ABCA13: variants seen among roughly 807,000 people sequenced by gnomAD.
ABCA13 encodes ATP-binding cassette sub-family A member 13.
ABCA13 carries 476 observed loss-of-function variants against 478.7 expected under a neutral mutation model. The observed-to-expected ratio is 0.99, with a 90% confidence interval of 0.92 to 1.07. The LOEUF is 1.07. ABCA13 is among the 50% of genes least tolerant of loss of function. The probability of loss-of-function intolerance (pLI) is 0.00; values close to 1 mark genes in which losing one functional copy is unlikely to be tolerated. For missense variants in ABCA13, 6,060 were observed against 5,910.6 expected (o/e 1.03, Z -0.83); for synonymous variants, 2,252 against 2,158.9 (o/e 1.04, Z -1.20).
chr7:48,561,373 A>G (rs1017190781), intron 55 of ABCA13, among the ~76,000 whole-genome samples: 2 of 152,104 alleles, frequency 1.3e-5, no homozygotes, highest in African/African-American at 4.8e-5. Flanking sequence ...ATAGCATGTA[A>G]GGGTTCCCTT....
At chr7:48,545,883 G>A (rs540131378) in intron 55 of ABCA13, among the ~76,000 whole-genome samples, 1 of 151,812 alleles carries the variant, frequency 6.6e-6, no homozygotes, top group South Asian at 2.1e-4. Context: ...GATAGAAAGA[G>A]GTCTAACATA....
At position 48,638,970 on chromosome 7, in the gene ABCA13, G is replaced by A. The variant is rs6973476; in HGVS notation, c.14838-4318G>A. On this transcript the variant is annotated intron_variant, in intron 59 of 61. Transcript: ENST00000435803. ...ACTCCCTCCATTCCCTTGGAGTTGT[G>A]TGACCCAAACAAGTTATGTAGCTTC... is the stretch of plus-strand genomic sequence containing the variant. 7.1e-3 allele frequency among the ~76,000 whole-genome samples: 1,077 copies of A among 152,260 alleles called. 13 individuals carry two copies. Among genetic ancestry groups the A allele is most frequent in the African/African-American group, 0.024 (996 of 41,554 alleles).
chr7:48,525,233 A>G (rs1050065080), intron 54 of ABCA13, among the ~76,000 whole-genome samples: 1 of 152,162 alleles, frequency 6.6e-6, no homozygotes, highest in Non-Finnish European at 1.5e-5. Context: ...AGATTAGAAC[A>G]AAATGTTAAG....
rs533805576 is a variant in ABCA13, at chr7:48,511,124, T to C, written c.13565T>C (p.Ile4522Thr). 40 of 1,613,818 alleles carry C rather than the reference T, an allele frequency of 2.5e-5. No individual in the cohort carries two copies. In the African/African-American group the frequency reaches 3.7e-4, roughly 15 times the overall value. ...LVSVCLCVAV[I>T]VAFQLTAFTF... ...TCCGTCTGCCTGTGTGTTGCCGTTATTGTCGCCTTCCAGTTAACAGCTTTT... is the reference window on the plus strand; with the variant it reads ...TCCGTCTGCCTGTGTGTTGCCGTTACTGTCGCCTTCCAGTTAACAGCTTTT... Residue 4522 changes from isoleucine (I) to threonine (T), a missense_variant, in exon 51 of 62, where the codon ATT becomes ACT. Ile to Thr is a moderately conservative substitution (Grantham distance 89). Transcript: ENST00000435803.
chr7:48,482,980 A>T, intron 46 of ABCA13, 96 bp from the exon 47 acceptor site: 1 of 935,182 alleles, frequency 1.1e-6, no homozygotes, highest in South Asian at 1.7e-5. Context: ...CTGTCCTAAG[A>T]CTGCTGTACC....
intron 42 of ABCA13, among the ~76,000 whole-genome samples, chr7:48,453,775 C>T (rs1299369349): frequency 6.6e-6 from 1 of 152,322 alleles, no homozygotes; most frequent in South Asian, 2.1e-4. Flanking sequence ...CAGCCTGACA[C>T]TTTGTTACAG....
At chr7:48,229,687 C>T in intron 6 of ABCA13, 138 bp from the exon 7 acceptor site, 1 of 949,996 alleles carries the variant, frequency 1.1e-6, no homozygotes, top group Non-Finnish European at 1.6e-6. Flanking sequence ...ACAAAGAATG[C>T]TGACATGTAA....
intron 41 of ABCA13, among the ~76,000 whole-genome samples, chr7:48,422,716 C>T (rs142036631): frequency 2.6e-5 from 4 of 152,294 alleles, no homozygotes; most frequent in South Asian, 2.1e-4. Context: ...GCGACGTCCA[C>T]GTCCTTATCA....
At chr7:48,296,464 CTTTT>C (rs557053131) in intron 21 of ABCA13, among the ~76,000 whole-genome samples, 1 of 143,524 alleles carries the variant, frequency 7.0e-6, no homozygotes, top group Non-Finnish European at 1.5e-5. Context: ...TTTCTTTTCT[CTTTT>C]TTTTTTTTTG....
intron 4 of ABCA13, among the ~76,000 whole-genome samples, chr7:48,220,822 T>G (rs1298824768): frequency 6.6e-6 from 1 of 152,196 alleles, no homozygotes; most frequent in Non-Finnish European, 1.5e-5. Flanking sequence ...AGTTCCCACT[T>G]TATTTCTAGT....
At chr7:48,268,335 T>A (rs1795142256) in intron 15 of ABCA13, among the ~76,000 whole-genome samples, 1 of 151,954 alleles carries the variant, frequency 6.6e-6, no homozygotes, top group Non-Finnish European at 1.5e-5. Flanking sequence ...TTTTTTGTAT[T>A]TTTAGTAGAG....
chr7:48,249,320 T>C lies in ABCA13; in HGVS notation c.1974T>C (p.Asn658=). The stretch of plus-strand genomic sequence containing the variant: ...CTTGCGAAGTGGCCCAATATGTAAA[T>C]ATGCAAGAGAGTTTCCAGAACAGAC... ...RKTCEVAQYV[N]MQESFQNRLL... Residue 658 remains asparagine (N), a synonymous_variant, in exon 15 of 62, where the codon AAT becomes AAC. Transcript: ENST00000435803. 1.2e-6 allele frequency: 2 copies of C among 1,613,224 alleles called. No individual in the cohort carries two copies. Among genetic ancestry groups the C allele is most frequent in the African/African-American group, 2.7e-5 (2 of 74,976 alleles).
At chr7:48,217,819 C>T (rs895100292) in intron 3 of ABCA13, among the ~76,000 whole-genome samples, 4 of 152,204 alleles carry the variant, frequency 2.6e-5, no homozygotes, top group Non-Finnish European at 5.9e-5. Flanking sequence ...CAGTGGCCTT[C>T]TCTTGATCTC....
At position 48,501,770 on chromosome 7, in the gene ABCA13, A is replaced by G. The variant is rs189507160; in HGVS notation, c.13292-4566A>G. ...TTATCAGCTGCTCTCTTCTGCTGTCATAGTTGAGGTTTTCATTTCTATGTT... is the reference window on the plus strand; with the variant it reads ...TTATCAGCTGCTCTCTTCTGCTGTCGTAGTTGAGGTTTTCATTTCTATGTT... On this transcript the variant is annotated intron_variant, in intron 48 of 61. Coordinates refer to ENST00000435803, the MANE Select transcript of ABCA13 (RefSeq NM_152701.5). Among the ~76,000 whole-genome samples the G allele has an allele frequency of 5.3e-4, 81 of 152,274 alleles. 1 individual carries two copies. The highest frequency in any genetic ancestry group is 2.9e-5 in the Non-Finnish European group (2 of 68,010).
chr7:48,187,268 C>CT (rs539089022), intron 1 of ABCA13, among the ~76,000 whole-genome samples: 26,385 of 127,322 alleles, frequency 0.21, 2,654 homozygotes, highest in East Asian at 0.29. Context: ...AGGGAGTTGT[C>CT]TTTTTTTTTT....
At chr7:48,637,756 C>A (rs1241804704) in intron 59 of ABCA13, among the ~76,000 whole-genome samples, 1 of 152,076 alleles carries the variant, frequency 6.6e-6, no homozygotes, top group Non-Finnish European at 1.5e-5. Flanking sequence ...AAATGATCCC[C>A]TTTGGTTACT....
chr7:48,362,122 G>C (rs1810948607), intron 31 of ABCA13, among the ~76,000 whole-genome samples: 1 of 151,918 alleles, frequency 6.6e-6, no homozygotes. Flanking sequence ...TTTTAGGGCA[G>C]AGAATTTGGT....
Position 48,645,466 on chromosome 7 carries a change from T to A in ABCA13, c.15131T>A (p.Leu5044His). Reference protein sequence around the residue: ...SEQQQTLQSTLDPSTDSHHTH... With the variant: ...SEQQQTLQSTHDPSTDSHHTH... ...CAGCAGCAAACTCTACAATCTACTC[T>A]TGATCCATCCACTGACAGTCACCAC... The change falls in exon 62 of 62, where the codon CTT (leucine) becomes CAT (histidine). Residue 5044 changes from leucine to histidine, a missense_variant. Leu to His is a moderately conservative substitution (Grantham distance 99). Coordinates refer to ENST00000435803, the MANE Select transcript of ABCA13 (RefSeq NM_152701.5). 1 of 1,589,492 alleles carries A rather than the reference T, an allele frequency of 6.3e-7. No homozygotes were observed. The highest frequency in any genetic ancestry group is 1.2e-5 in the South Asian group (1 of 86,744).
At position 48,391,782 on chromosome 7, in the gene ABCA13, A is replaced by G; in HGVS notation, c.11655-139A>G. On this transcript the variant is annotated intron_variant, in intron 37 of 61. Transcript: ENST00000435803. The stretch of plus-strand genomic sequence containing the variant: ...ACCCTCAAACTACTCACACCTTTTA[A>G]CTGATTGTGTAAAAACCAGGTCAGC... The G allele has an allele frequency of 5.4e-6, 4 of 736,962 alleles. No homozygotes were observed. The South Asian group carries it at 7.0e-5, about 13-fold the overall frequency. The allele number at this position is 736,962 out of a possible 1,614,324, so 45.7% of individuals were successfully genotyped here. A position where few individuals can be genotyped will look rare whatever the true frequency, so the allele number is the denominator to read the frequency against.
Sources: allele counts gnomAD v4.1 joint callset (sites outside exome capture counted in the v4.1 genomes callset), GRCh38; gene constraint gnomAD v4.1.1; transcripts MANE v1.5; gene names NCBI Gene and HGNC (gene_info 2026-07-23, HGNC 2026-07-21).